The following TRAF3IP1 variants were observed in gnomAD, a reference collection of about 807,000 sequenced individuals.
The protein encoded by TRAF3IP1 is intraflagellar transport 54.
A neutral mutation model predicts 89.9 loss-of-function variants in TRAF3IP1; 53 were observed. That is an observed-to-expected ratio of 0.59 (90% CI 0.47 to 0.74). TRAF3IP1 has a LOEUF of 0.74. TRAF3IP1 is among the 30% of genes least tolerant of loss of function. The pLI, the probability that TRAF3IP1 is intolerant of heterozygous loss-of-function variation, is 0.00. For synonymous variants in TRAF3IP1, 311 were observed against 322.1 expected (o/e 0.97, Z 0.37); for missense variants, 806 against 866.1 (o/e 0.93, Z 0.87).
At chr2:238,365,447 G>A (rs112813293) in intron 15 of TRAF3IP1, among the ~76,000 whole-genome samples, 158 of 152,198 alleles carry the variant, frequency 1.0e-3, no homozygotes, top group African/African-American at 3.7e-3. Context: ...GATCACTTGA[G>A]CTTAGGAGTT....
Position 238,351,719 on chromosome 2 carries a change from C to T in TRAF3IP1, c.1452-1108C>T, listed in dbSNP as rs1237179605. Among the ~76,000 whole-genome samples the T allele has an allele frequency of 2.6e-5, 4 of 152,014 alleles. No homozygotes were observed. The highest frequency in any genetic ancestry group is 5.9e-5 in the Non-Finnish European group (4 of 68,002). ...GGTGGTTGTTGAGTGTCTCAAGGACCCAGTTGAGGAAGTCGAGGATGTTTG... is the reference window on the plus strand; with the variant it reads ...GGTGGTTGTTGAGTGTCTCAAGGACTCAGTTGAGGAAGTCGAGGATGTTTG... On this transcript the variant is annotated intron_variant, in intron 12 of 16. Coordinates refer to ENST00000373327, the MANE Select transcript of TRAF3IP1 (RefSeq NM_015650.4). This position sits in a 1 kb window ranked among gnomAD's most constrained non-coding sequence, Gnocchi z 5.2.
At chr2:238,338,992 A>C (rs746687377) in intron 8 of TRAF3IP1, among the ~76,000 whole-genome samples, 5 of 152,202 alleles carry the variant, frequency 3.3e-5, no homozygotes, top group Admixed American at 3.3e-4. Context: ...CTGTGACTTC[A>C]GACGGAATTC....
chr2:238,362,980 A>G (rs1047233609), intron 15 of TRAF3IP1, among the ~76,000 whole-genome samples: 10 of 152,220 alleles, frequency 6.6e-5, no homozygotes, highest in Non-Finnish European at 1.3e-4. Context: ...TATTTCATTC[A>G]TGTCTTACAG....
At position 238,398,798 on chromosome 2, in the gene TRAF3IP1, A is replaced by G. The variant is rs1280733851; in HGVS notation, c.1955A>G (p.Glu652Gly). The change falls in exon 17 of 17, where the codon GAG becomes GGG. Residue 652 changes from glutamate to glycine, a missense_variant. Around this residue, in one of 3 missense-constraint regions of TRAF3IP1, gnomAD observed 70 missense variants for 67.8 expected, o/e 1.03. Transcript: ENST00000373327. ...GAGCCCTTAAAGGCTGAGCTCGCGGAGCTGGAGCAGCTGATCAAAGACCAG... is the reference window on the plus strand; with the variant it reads ...GAGCCCTTAAAGGCTGAGCTCGCGGGGCTGGAGCAGCTGATCAAAGACCAG... ...AVEPLKAELAELEQLIKDQQD... is the reference protein window; with the variant it reads ...AVEPLKAELAGLEQLIKDQQD... 6.2e-7 allele frequency: 1 copy of G among 1,612,774 alleles called. No individual in the cohort carries two copies. Among genetic ancestry groups the G allele is most frequent in the Non-Finnish European group, 8.5e-7 (1 of 1,179,576 alleles).
chr2:238,359,095 G>A (rs970255187), intron 15 of TRAF3IP1, among the ~76,000 whole-genome samples: 1 of 152,202 alleles, frequency 6.6e-6, no homozygotes, highest in South Asian at 2.1e-4. Context: ...CAAGGTCCAG[G>A]CTGTGGGCTA....
chr2:238,365,619 C>G (rs916678940), intron 15 of TRAF3IP1, among the ~76,000 whole-genome samples: 52 of 151,822 alleles, frequency 3.4e-4, no homozygotes, highest in African/African-American at 1.3e-3. Flanking sequence ...GCTCGCGCCA[C>G]TGCACTCCAG....
Position 238,398,914 on chromosome 2 carries a change from AG to A in TRAF3IP1, c.2073del (p.Arg691SerfsTer88), listed in dbSNP as rs1701360894. On this transcript the variant is annotated frameshift_variant, in exon 17 of 17. Transcript: ENST00000373327. LOFTEE classifies it high-confidence loss of function. ...MVYSINLTSR[R>X] The stretch of plus-strand genomic sequence containing the variant: ...ATATAGTATCAATTTGACTTCGAGA[AG>A]GTGAACACTCAAAAGTTTCAGAGAT... 6.3e-7 allele frequency: 1 copy of A among 1,596,860 alleles called. No homozygotes were observed. Among genetic ancestry groups the A allele is most frequent in the African/African-American group, 1.4e-5 (1 of 73,888 alleles).
At position 238,399,191 on chromosome 2, in the gene TRAF3IP1, T is replaced by A; in HGVS notation, c.*272T>A. 3.1e-6 allele frequency: 1 copy of A among 318,938 alleles called. No individual in the cohort carries two copies. 19.8% of individuals were successfully genotyped at this position (318,938 alleles called of 1,614,324 possible). ...AAAGTTTTTTTGAAAGCCTGTTCTT[T>A]GTGTTTCTGCTGTAACCTGTTTAGT... On this transcript the variant is annotated 3_prime_UTR_variant, in exon 17 of 17. Transcript: ENST00000373327.
In TRAF3IP1 at chr2:238,325,809, G is replaced by A; in HGVS notation, c.193G>A (p.Asp65Asn). 6.2e-7 allele frequency: 1 copy of A among 1,611,120 alleles called. No homozygotes were observed. The highest frequency in any genetic ancestry group is 1.3e-5 in the African/African-American group (1 of 74,872). The change falls in exon 3 of 17, where the codon GAT (aspartate) becomes AAT (asparagine). Residue 65 changes from aspartate (D) to asparagine (N), a missense_variant and splice_region_variant. Around this residue, in one of 3 missense-constraint regions of TRAF3IP1, gnomAD observed 732 missense variants for 780.5 expected, o/e 0.94. Coordinates refer to ENST00000373327, the MANE Select transcript of TRAF3IP1 (RefSeq NM_015650.4). The part of the protein sequence containing the change: ...DAEMKSDNVK[D>N]KDAKISFLQK... ...TGTATTTTCAATGGAAATGTTTCAG[G>A]ATAAAGATGCAAAAATTAGCTTCCT...
chr2:238,331,433 C>T lies in TRAF3IP1; in HGVS notation c.916-1391C>T, dbSNP rs571664284. ...CGGAGGTTGCAGTGAGCTGACATCA[C>T]GCCACTGCACTCCAGCCTGGGTGAC... On this transcript the variant is annotated intron_variant, in intron 5 of 16. Transcript: ENST00000373327. Among the ~76,000 whole-genome samples the T allele has an allele frequency of 8.5e-5, 13 of 152,202 alleles. No homozygotes were observed. In the South Asian group the frequency reaches 2.7e-3, roughly 32 times the overall value.
intron 2 of TRAF3IP1, 29 bp downstream of exon 2, chr2:238,325,403 ACTC>A (rs1697774344): frequency 1.2e-6 from 2 of 1,611,422 alleles, no homozygotes; most frequent in Non-Finnish European, 1.7e-6. Context: ...TCTCCTATTG[ACTC>A]CTCGCCTTAA....
intron 15 of TRAF3IP1, among the ~76,000 whole-genome samples, chr2:238,357,904 T>A (rs76120511): frequency 2.7e-4 from 41 of 152,322 alleles, no homozygotes; most frequent in African/African-American, 9.6e-4. Context: ...GGTAAATCTT[T>A]GGGCTTCAGA....
At chr2:238,375,041 T>C (rs1170937568) in intron 15 of TRAF3IP1, among the ~76,000 whole-genome samples, 1 of 152,202 alleles carries the variant, frequency 6.6e-6, no homozygotes, top group Non-Finnish European at 1.5e-5. Context: ...TTAGTCTTGC[T>C]AGCGGTCTAT....
chr2:238,393,391 C>T (rs1370331561), intron 15 of TRAF3IP1, among the ~76,000 whole-genome samples: 1 of 152,104 alleles, frequency 6.6e-6, no homozygotes, highest in Admixed American at 6.5e-5. Flanking sequence ...TGCTTTCTTG[C>T]TGTTGTGTTT....
chr2:238,355,131 T>C (rs1167076651), intron 14 of TRAF3IP1, among the ~76,000 whole-genome samples: 1 of 152,236 alleles, frequency 6.6e-6, no homozygotes, highest in African/African-American at 2.4e-5. Context: ...TAGTGTTGTT[T>C]ACCTTTTTAA....
chr2:238,334,814 C>T (rs555582128), intron 7 of TRAF3IP1, among the ~76,000 whole-genome samples: 3 of 152,274 alleles, frequency 2.0e-5, no homozygotes, highest in South Asian at 2.1e-4. Context: ...TTTGGTTGAC[C>T]GCTGTGGGGT....
chr2:238,371,895 T>C (rs1466375800), intron 15 of TRAF3IP1, among the ~76,000 whole-genome samples: 1 of 152,224 alleles, frequency 6.6e-6, no homozygotes, highest in Non-Finnish European at 1.5e-5. Flanking sequence ...GGCTTGCATA[T>C]TTCTATTGGG....
At chr2:238,366,027 C>G (rs1390044057) in intron 15 of TRAF3IP1, among the ~76,000 whole-genome samples, 1 of 152,168 alleles carries the variant, frequency 6.6e-6, no homozygotes, top group Non-Finnish European at 1.5e-5. Context: ...GGGCAGATCA[C>G]AAGGTCAGGA....
Position 238,399,127 on chromosome 2 carries a change from C to T in TRAF3IP1, c.*208C>T, listed in dbSNP as rs1258855351. The T allele has an allele frequency of 2.4e-5, 12 of 501,258 alleles. No homozygotes were observed. The highest frequency in any genetic ancestry group is 4.1e-5 in the Non-Finnish European group (12 of 291,794). 31.1% of individuals were successfully genotyped at this position (501,258 alleles called of 1,614,324 possible). A position where few individuals can be genotyped will look rare whatever the true frequency, so the allele number is the denominator to read the frequency against. ...TTCTTACCTCCTTCCAGATGGAATA[C>T]TGGCTAGTTATAAATAGCGCTTCCA... is the stretch of plus-strand genomic sequence containing the variant. On this transcript the variant is annotated 3_prime_UTR_variant, in exon 17 of 17. Transcript: ENST00000373327.
Sources: gnomAD v4.1 joint callset for allele counts (sites outside exome capture counted in the v4.1 genomes callset) on GRCh38, gnomAD v4.1.1 for gene constraint, gnomAD v4.1.1 regional missense constraint, Gnocchi (gnomAD v3.1) non-coding constraint, MANE v1.5 for transcripts, NCBI Gene and HGNC (gene_info 2026-07-23, HGNC 2026-07-21) for gene names.